The following MALSU1 variants were observed in gnomAD, a reference collection of about 807,000 sequenced individuals.
The protein encoded by MALSU1 is mitochondrial assembly of ribosomal large subunit 1.
MALSU1 carries 22 observed loss-of-function variants against 22.1 expected under a neutral mutation model. The ratio of observed to expected loss-of-function variants is 1.00; its 90% CI spans 0.71 to 1.42. The LOEUF is 1.42. Among genes scored for constraint, MALSU1 ranks in the 40% most tolerant of loss-of-function variants. The pLI, the probability that MALSU1 is intolerant of heterozygous loss-of-function variation, is 0.00. For missense variants in MALSU1, 379 were observed against 308.3 expected, an observed-to-expected ratio of 1.23 and a Z score of -1.72; for synonymous variants, 153 against 118.5, an observed-to-expected ratio of 1.29 and a Z score of -1.89.
chr7:23,302,082 C>G (rs760322731), intron 2 of MALSU1, among the ~76,000 whole-genome samples: 5 of 152,154 alleles, frequency 3.3e-5, no homozygotes, highest in Non-Finnish European at 7.4e-5. Flanking sequence ...AAAGCATTTT[C>G]ATCATTGTAA....
At chr7:23,307,347 AAC>A (rs1225924196) in intron 2 of MALSU1, among the ~76,000 whole-genome samples, 1 of 152,180 alleles carries the variant, frequency 6.6e-6, no homozygotes, top group Non-Finnish European at 1.5e-5. Flanking sequence ...TGTCTCTTGT[AAC>A]AGTTTTTACT....
At chr7:23,307,731 C>T in intron 2 of MALSU1, 137 bp from the exon 3 acceptor site, 3 of 600,264 alleles carry the variant, frequency 5.0e-6, no homozygotes, top group Non-Finnish European at 8.9e-6. Flanking sequence ...TTATTCATCA[C>T]AGGGCAAAGT....
At chr7:23,306,177 A>G (rs969587583) in intron 2 of MALSU1, among the ~76,000 whole-genome samples, 1 of 152,180 alleles carries the variant, frequency 6.6e-6, no homozygotes, top group Non-Finnish European at 1.5e-5. Context: ...CTGGGCAACA[A>G]GAGCGAAACT....
chr7:23,299,792 A>G (rs1783617319), intron 1 of MALSU1, among the ~76,000 whole-genome samples, 184 bp downstream of exon 1: 2 of 152,152 alleles, frequency 1.3e-5, no homozygotes, highest in Admixed American at 6.5e-5. Flanking sequence ...ACAGTGAAGA[A>G]ATTGAGGGCA....
rs1407703597 is a variant in MALSU1, at chr7:23,307,934, C to T, written c.502C>T (p.Leu168=). ...AGAAGGGAAGGACACTGATGACTGG[C>T]TGTGCGTGGATTTTGGTAAGTTATT... ...KIEGKDTDDW[L]CVDFGSMVIH... is the part of the protein sequence containing the mutation. The change falls in exon 3 of 4, where the codon CTG becomes TTG. Residue 168 remains leucine, a synonymous_variant. Coordinates refer to ENST00000466681, the MANE Select transcript of MALSU1 (RefSeq NM_138446.2). The T allele has an allele frequency of 1.2e-6, 2 of 1,613,118 alleles. No homozygotes were observed. The highest frequency in any genetic ancestry group is 1.7e-5 in the Admixed American group (1 of 60,010).
intron 3 of MALSU1, 137 bp downstream of exon 3, chr7:23,308,086 A>G: frequency 1.3e-6 from 1 of 741,814 alleles, no homozygotes; most frequent in Admixed American, 2.6e-5. Flanking sequence ...TTAAGGTAAC[A>G]AAAGTTTTTT....
chr7:23,305,834 A>G (rs373174510), intron 2 of MALSU1, among the ~76,000 whole-genome samples: 27 of 152,242 alleles, frequency 1.8e-4, no homozygotes, highest in African/African-American at 6.0e-4. Flanking sequence ...ATTTACTGGC[A>G]TCTGTAAGTT....
intron 2 of MALSU1, among the ~76,000 whole-genome samples, chr7:23,302,304 A>G (rs373699651): frequency 7.4e-4 from 112 of 152,360 alleles, no homozygotes; most frequent in African/African-American, 2.7e-3. Flanking sequence ...GGAAGCCTCT[A>G]GCTGACTCTG....
Position 23,299,598 on chromosome 7 carries a change from G to C in MALSU1, c.246G>C (p.Ser82=). 1 of 1,584,502 alleles carries C rather than the reference G, an allele frequency of 6.3e-7. No individual in the cohort carries two copies. ...CGGTCAACGAGGGACGCCCAGAATCGGACGCGGCAGGTACGGGCGTGGAGA... is the reference window on the plus strand; with the variant it reads ...CGGTCAACGAGGGACGCCCAGAATCCGACGCGGCAGGTACGGGCGTGGAGA... ...EGTVNEGRPE[S]DAADHTGPKF... The change falls in exon 1 of 4, where the codon TCG becomes TCC. Residue 82 remains serine, a synonymous_variant. Coordinates refer to ENST00000466681, the MANE Select transcript of MALSU1 (RefSeq NM_138446.2).
intron 1 of MALSU1, among the ~76,000 whole-genome samples, chr7:23,300,619 G>C (rs948030904): frequency 1.3e-5 from 2 of 152,152 alleles, no homozygotes; most frequent in African/African-American, 4.8e-5. Flanking sequence ...AGGATGTATA[G>C]TGGCTCTGCG....
intron 2 of MALSU1, among the ~76,000 whole-genome samples, chr7:23,307,467 A>C (rs1400736211): frequency 6.6e-6 from 1 of 152,226 alleles, no homozygotes; most frequent in African/African-American, 2.4e-5. Flanking sequence ...GATGAGATGA[A>C]ATCAGTGGCA....
chr7:23,306,055 G>A (rs1036794920), intron 2 of MALSU1, among the ~76,000 whole-genome samples: 2 of 152,132 alleles, frequency 1.3e-5, no homozygotes, highest in South Asian at 2.1e-4. Context: ...TTAGCCGGGC[G>A]TGGTGGCGCA....
chr7:23,303,380 A>C lies in MALSU1; in HGVS notation c.435+2363A>C, dbSNP rs777260100. On this transcript the variant is annotated intron_variant, in intron 2 of 3. Transcript: ENST00000466681. ...AGAATTTCCTTCTTTCTTAAGGCTG[A>C]ATAATACTCTATCTTACGTATATAC... is the stretch of plus-strand genomic sequence containing the variant. 2.7e-4 allele frequency among the ~76,000 whole-genome samples: 41 copies of C among 152,242 alleles called. 1 individual carries two copies. Among genetic ancestry groups the C allele is most frequent in the Non-Finnish European group, 1.0e-4 (7 of 68,054 alleles).
intron 3 of MALSU1, among the ~76,000 whole-genome samples, chr7:23,308,641 G>C (rs1783757341): frequency 6.6e-6 from 1 of 152,184 alleles, no homozygotes. Context: ...CTGAGCTCTG[G>C]ATTCCATAGG....
In MALSU1 at chr7:23,309,560, CGTTA is replaced by C. The variant is rs1783777930; in HGVS notation, c.*20_*23del. ...TGTGAATAAAATATTTTATGCACTG[CGTTA>C]GTCATTTCAGATTTGGATTGAGTCA... On this transcript the variant is annotated 3_prime_UTR_variant, in exon 4 of 4. Transcript: ENST00000466681. 1 of 1,558,628 alleles carries C rather than the reference CGTTA, an allele frequency of 6.4e-7. No homozygotes were observed. Among genetic ancestry groups the C allele is most frequent in the African/African-American group, 1.4e-5 (1 of 73,008 alleles).
rs182869913 is a variant in MALSU1 at position 23,310,089 on chromosome 7, G to T, written c.*546G>T. On this transcript the variant is annotated 3_prime_UTR_variant, in exon 4 of 4. Coordinates refer to ENST00000466681, the MANE Select transcript of MALSU1 (RefSeq NM_138446.2). ...GTTCATATGCAAGAGTATTATCAAG[G>T]TTCACATTAAGTACCATGGCTGGAC... is the stretch of plus-strand genomic sequence containing the variant. The T allele has an allele frequency of 1.3e-5, 2 of 152,060 alleles. No homozygotes were observed. The highest frequency in any genetic ancestry group is 2.9e-5 in the Non-Finnish European group (2 of 68,024). 9.4% of individuals were successfully genotyped at this position (152,060 alleles called of 1,614,324 possible).
chr7:23,300,691 C>T, intron 1 of MALSU1, 148 bp from the exon 2 acceptor site: 1 of 649,284 alleles, frequency 1.5e-6, no homozygotes, highest in Non-Finnish European at 2.7e-6. Context: ...CCAGGTTCAC[C>T]TTCCAGGAGG....
At position 23,310,001 on chromosome 7, in the gene MALSU1, C is replaced by T. The variant is rs1783787128; in HGVS notation, c.*458C>T. The T allele has an allele frequency of 6.6e-6, 1 of 151,192 alleles. No individual in the cohort carries two copies. Among genetic ancestry groups the T allele is most frequent in the African/African-American group, 2.5e-5 (1 of 40,590 alleles). The allele number at this position is 151,192 out of a possible 1,614,324, so 9.4% of individuals were successfully genotyped here. ...ACTTCTGTAACCCTTCCAGAATACT[C>T]CAGTAACACAAGAAAGTAAACAAAG... is the stretch of plus-strand genomic sequence containing the variant. On this transcript the variant is annotated 3_prime_UTR_variant, in exon 4 of 4. Coordinates refer to ENST00000466681, the MANE Select transcript of MALSU1 (RefSeq NM_138446.2).
At chr7:23,304,712 ATTTATTT>A (rs1280915792) in intron 2 of MALSU1, among the ~76,000 whole-genome samples, 1 of 152,116 alleles carries the variant, frequency 6.6e-6, no homozygotes, top group Non-Finnish European at 1.5e-5. Context: ...TGCCCAGCTA[ATTTATTT>A]TTTATAGAGA....
Sources: gnomAD v4.1 joint callset for allele counts (sites outside exome capture counted in the v4.1 genomes callset) on GRCh38, gnomAD v4.1.1 for gene constraint, MANE v1.5 for transcripts, NCBI Gene and HGNC (gene_info 2026-07-23, HGNC 2026-07-21) for gene names.